Variants in NCR1 observed in about 807,000 individuals in gnomAD.
NCR1 encodes the protein NK cell-activating receptor.
Under a neutral mutation model 32.5 loss-of-function variants are expected in NCR1, and 30 were observed. That is an observed-to-expected ratio of 0.92 (90% CI 0.69 to 1.25). The LOEUF is 1.25. NCR1 is among the 50% of genes most tolerant of loss of function. The pLI, the probability that NCR1 is intolerant of heterozygous loss-of-function variation, is 0.00. For synonymous variants in NCR1, 169 were observed against 143.4 expected (o/e 1.18, Z -1.28); for missense variants, 369 against 380.7 (o/e 0.97, Z 0.26).
the NCR1 span, chr19:54,933,700 G>A: frequency 1.7e-5 from 27 of 1,614,076 alleles, no homozygotes; most frequent in Non-Finnish European, 2.1e-5. Flanking sequence ...CAGCAGCAAG[G>A]TCCTTGCAAC....
At chr19:54,904,862 C>T (rs746361317), upstream of NCR1, among the ~76,000 whole-genome samples, 1 of 152,084 alleles carries the variant, frequency 6.6e-6, no homozygotes, top group South Asian at 2.1e-4. Context: ...TGTGTTAACT[C>T]GCTTAGGATA....
At chr19:54,907,746 A>G (rs1216632485) in intron 3 of NCR1, among the ~76,000 whole-genome samples, 2 of 152,078 alleles carry the variant, frequency 1.3e-5, no homozygotes, top group African/African-American at 4.8e-5. Context: ...GCAGCTCACA[A>G]CAGTATTTCA....
the NCR1 span, among the ~76,000 whole-genome samples, chr19:54,924,197 G>C: frequency 6.6e-6 from 1 of 152,006 alleles, no homozygotes; most frequent in Non-Finnish European, 1.5e-5. Context: ...CGAACTTCTG[G>C]CCTCAAGTGA....
chr19:54,934,555 A>T, the NCR1 span: 1 of 1,614,150 alleles, frequency 6.2e-7, no homozygotes, highest in Non-Finnish European at 8.5e-7. The surrounding 1 kb of genome is among the most constrained non-coding windows in gnomAD (Gnocchi z 6.7). Flanking sequence ...ACCCTCATCC[A>T]GGAGCACATT....
At chr19:54,916,668 C>T (rs1015821176), downstream of NCR1, among the ~76,000 whole-genome samples, 1 of 150,520 alleles carries the variant, frequency 6.6e-6, no homozygotes, top group Non-Finnish European at 1.5e-5. Flanking sequence ...TGATAACCTC[C>T]ACCTACTCTC....
the NCR1 span, among the ~76,000 whole-genome samples, chr19:54,932,440 T>A: frequency 1.2e-4 from 16 of 131,800 alleles, no homozygotes; most frequent in African/African-American, 1.4e-4. Context: ...AAAAAAAAAA[T>A]GAATCTCAGA....
chr19:54,924,253 C>G, the NCR1 span, among the ~76,000 whole-genome samples: 1 of 152,076 alleles, frequency 6.6e-6, no homozygotes, highest in African/African-American at 2.4e-5. Context: ...CAGATGTGAG[C>G]CACAGCACCC....
chr19:54,936,261 C>G, the NCR1 span: 1 of 1,612,822 alleles, frequency 6.2e-7, no homozygotes, highest in Non-Finnish European at 8.5e-7. Flanking sequence ...TGAGACCCAC[C>G]TCAGGTACTG....
chr19:54,922,790 C>CA, the NCR1 span, among the ~76,000 whole-genome samples: 2,762 of 51,886 alleles, frequency 0.053, 136 homozygotes, highest in African/African-American at 0.18. Context: ...AAAAAAAAAA[C>CA]AAAAAAAAAA....
the NCR1 span, among the ~76,000 whole-genome samples, chr19:54,922,112 C>T: frequency 1.7e-3 from 263 of 152,014 alleles, 2 homozygotes; most frequent in South Asian, 0.014. Context: ...AGGCTGGTCT[C>T]GAACTCCTGA....
chr19:54,904,752 G>A (rs188398233), upstream of NCR1, among the ~76,000 whole-genome samples: 6 of 152,044 alleles, frequency 3.9e-5, no homozygotes, highest in East Asian at 3.9e-4. Flanking sequence ...GGCTGGTCTC[G>A]AACTCCCGAC....
At chr19:54,901,122 T>TTAAAAAAA in the NCR1 span, among the ~76,000 whole-genome samples, 1 of 8,648 alleles carries the variant, frequency 1.2e-4, no homozygotes, top group Non-Finnish European at 2.8e-4. Context: ...ATCTCTACTT[T>TTAAAAAAA]GAAAAAAAAA....
the NCR1 span, among the ~76,000 whole-genome samples, chr19:54,932,653 GTTTT>G: frequency 6.6e-6 from 1 of 150,960 alleles, no homozygotes; most frequent in African/African-American, 2.4e-5. Context: ...TTTTTGTTGA[GTTTT>G]TTTTTGTTTT....
rs766754287 is a variant in NCR1, at chr19:54,912,164, T to C, written c.683-4T>C. Reference sequence around the variant, plus strand: ...CCTCTTTTCTTCACTTCCCTTATCATCAGCAGACACTTGGGGCACCTACCT... The same window carrying C: ...CCTCTTTTCTTCACTTCCCTTATCACCAGCAGACACTTGGGGCACCTACCT... On this transcript the variant is annotated splice_region_variant and splice_polypyrimidine_tract_variant and intron_variant, in intron 5 of 6. Coordinates refer to ENST00000291890, the MANE Select transcript of NCR1 (RefSeq NM_004829.7). The C allele has an allele frequency of 5.1e-5, 82 of 1,613,418 alleles. No individual in the cohort carries two copies. Among genetic ancestry groups the C allele is most frequent in the Non-Finnish European group, 6.5e-5 (77 of 1,179,666 alleles).
chr19:54,933,613 C>G, the NCR1 span: 2 of 1,614,116 alleles, frequency 1.2e-6, no homozygotes, highest in African/African-American at 1.3e-5. Flanking sequence ...AGCCCTCACA[C>G]AGAAACTTCA....
downstream of NCR1, among the ~76,000 whole-genome samples, chr19:54,915,587 G>A (rs552347599): frequency 8.5e-5 from 13 of 152,268 alleles, no homozygotes; most frequent in Non-Finnish European, 1.5e-4. Context: ...GGGAGGCAGA[G>A]GTTGTGGTAA....
chr19:54,916,177 C>G (rs1334649145), downstream of NCR1: 4 of 152,004 alleles, frequency 2.6e-5, no homozygotes, highest in African/African-American at 9.7e-5. Context: ...GTTCGAAACA[C>G]CAAGGGCCTG....
upstream of NCR1, among the ~76,000 whole-genome samples, chr19:54,901,360 CAAAA>C (rs80189325): frequency 2.2e-5 from 2 of 91,210 alleles, no homozygotes; most frequent in Admixed American, 1.3e-4. Context: ...GAGTCCATCT[CAAAA>C]AAAAAAAAAA....
intron 4 of NCR1, 62 bp from the exon 5 acceptor site, chr19:54,909,956 A>AAAAAT: frequency 7.5e-7 from 1 of 1,332,950 alleles, no homozygotes; most frequent in Non-Finnish European, 1.0e-6. Context: ...AAAAAAAAAA[A>AAAAAT]GAATGGCAAG....
Sources: allele counts gnomAD v4.1 joint callset (sites outside exome capture counted in the v4.1 genomes callset), GRCh38; gene constraint gnomAD v4.1.1; non-coding constraint Gnocchi (gnomAD v3.1); transcripts MANE v1.5; gene names NCBI Gene and HGNC (gene_info 2026-07-23, HGNC 2026-07-21).